SCN3A: variants seen among roughly 807,000 people sequenced by gnomAD.
SCN3A encodes sodium channel protein type 3 subunit alpha.
In SCN3A, 60 loss-of-function variants were observed where a neutral mutation model predicts 187.6. That is an observed-to-expected ratio of 0.32 (90% CI 0.26 to 0.40). The LOEUF (loss-of-function observed/expected upper bound fraction) is 0.40. SCN3A is among the 10% of genes least tolerant of loss of function. SCN3A has a pLI of 1.00. For missense variants in SCN3A, 1,601 were observed against 2,428.2 expected (o/e 0.66, Z 7.16); for synonymous variants, 788 against 829.2 (o/e 0.95, Z 0.85).
In SCN3A at chr2:165,090,327, T is replaced by C. The variant is rs1574086891; in HGVS notation, c.5826A>G (p.Gln1942=). ...IKGRIDLPIK[Q]DMIIDKLNGN... is the part of the protein sequence containing the mutation. ...CATTTAGTTTGTCAATAATCATGTC[T>C]TGTTTTATAGGTAAGTCAATCCTCC... The change falls in exon 28 of 28, where the codon CAA becomes CAG. Residue 1942 remains glutamine (Q), a synonymous_variant. Transcript: ENST00000283254. This position sits in a 1 kb window ranked among gnomAD's most constrained non-coding sequence, Gnocchi z 4.0. The C allele has an allele frequency of 6.2e-7, 1 of 1,613,442 alleles. No individual in the cohort carries two copies. The highest frequency in any genetic ancestry group is 8.5e-7 in the Non-Finnish European group (1 of 1,179,468).
intron 16 of SCN3A, 195 bp from the exon 17 acceptor site, chr2:165,130,491 A>C (rs888595094): frequency 2.3e-5 from 14 of 603,766 alleles, no homozygotes; most frequent in Non-Finnish European, 3.4e-5. Context: ...AATATCATTT[A>C]AGTGCAAAAA....
intron 1 of SCN3A, among the ~76,000 whole-genome samples, chr2:165,199,452 T>C (rs2105994704): frequency 6.6e-6 from 1 of 152,134 alleles, no homozygotes; most frequent in African/African-American, 2.4e-5. Context: ...ATTTTAATAT[T>C]GTAAACTTGC....
At chr2:165,105,510 G>A (rs149140250) in intron 21 of SCN3A, among the ~76,000 whole-genome samples, 1 of 152,296 alleles carries the variant, frequency 6.6e-6, no homozygotes, top group Non-Finnish European at 1.5e-5. Flanking sequence ...CCTAGAAAAG[G>A]GCTCAGGTAG....
At chr2:165,171,532 G>C (rs1005527317) in intron 3 of SCN3A, among the ~76,000 whole-genome samples, 5 of 151,980 alleles carry the variant, frequency 3.3e-5, no homozygotes, top group Non-Finnish European at 5.9e-5. Context: ...ATTTCTGAGG[G>C]ATGGGCACAG....
intron 1 of SCN3A, among the ~76,000 whole-genome samples, chr2:165,198,042 A>C (rs905633650): frequency 3.3e-5 from 5 of 152,004 alleles, no homozygotes; most frequent in African/African-American, 1.2e-4. Context: ...AAAGGACGGC[A>C]ATGTGTTTGC....
chr2:165,161,810 C>A (rs1248011156), intron 9 of SCN3A, among the ~76,000 whole-genome samples: 1 of 152,170 alleles, frequency 6.6e-6, no homozygotes, highest in Non-Finnish European at 1.5e-5. Flanking sequence ...CACACATGCA[C>A]CCTTGGCTTC....
intron 1 of SCN3A, among the ~76,000 whole-genome samples, chr2:165,188,855 G>A (rs1448072751): frequency 2.7e-5 from 4 of 150,314 alleles, no homozygotes; most frequent in Non-Finnish European, 4.4e-5. Flanking sequence ...TGTAAAAGAT[G>A]CAGATTTCTG....
At chr2:165,108,173 A>G (rs1378628385) in intron 21 of SCN3A, among the ~76,000 whole-genome samples, 3 of 152,188 alleles carry the variant, frequency 2.0e-5, no homozygotes, top group African/African-American at 7.2e-5. Context: ...AATTAGTGCC[A>G]TTCCCACAAT....
intron 3 of SCN3A, among the ~76,000 whole-genome samples, chr2:165,172,164 C>A (rs1690147661): frequency 6.6e-6 from 1 of 152,074 alleles, no homozygotes; most frequent in Admixed American, 6.6e-5. Flanking sequence ...ACTTAACTAA[C>A]CATTTTCCAG....
At position 165,091,023 on chromosome 2, in the gene SCN3A, G is replaced by A; in HGVS notation, c.5130C>T (p.Gly1710=). 6.2e-7 allele frequency: 1 copy of A among 1,614,146 alleles called. No individual in the cohort carries two copies. The highest frequency in any genetic ancestry group is 2.2e-5 in the East Asian group (1 of 44,882). Residue 1710 remains glycine, a synonymous_variant, in exon 28 of 28, where the codon GGC becomes GGT. Coordinates refer to ENST00000283254, the MANE Select transcript of SCN3A (RefSeq NM_006922.4). ...GAATAGGTGCTAGCAATCCATCCCA[G>A]CCAGCAGAGGTTGTAATTTGGAACA... ...ICLFQITTSA[G]WDGLLAPILN... is the part of the protein sequence containing the mutation.
chr2:165,129,814 G>T, intron 17 of SCN3A, 126 bp downstream of exon 17: 2 of 1,167,210 alleles, frequency 1.7e-6, no homozygotes, highest in South Asian at 1.2e-5. Context: ...TTCTCTGAGT[G>T]CTAATAGGGG....
At chr2:165,191,515 C>T (rs2105970091) in intron 1 of SCN3A, among the ~76,000 whole-genome samples, 1 of 152,242 alleles carries the variant, frequency 6.6e-6, no homozygotes, top group African/African-American at 2.4e-5. Flanking sequence ...TGGCTTCCAG[C>T]TGTCCTCTGT....
rs1574191175 is a variant in SCN3A at position 165,138,069 on chromosome 2, G to C, written c.2201C>G (p.Ala734Gly). The C allele has an allele frequency of 6.2e-7, 1 of 1,613,548 alleles. No homozygotes were observed. Among genetic ancestry groups the C allele is most frequent in the East Asian group, 2.2e-5 (1 of 44,850 alleles). Residue 734 changes from alanine (A) to glycine (G), a missense_variant, in exon 15 of 28, where the codon GCC becomes GGC. Coordinates refer to ENST00000283254, the MANE Select transcript of SCN3A (RefSeq NM_006922.4). ...GCAGTCCCAGATCAAGAACACATTG[G>C]CAAATCTATACCAGCATGGCGGACA... ...QKCPPCWYRF[A>G]NVFLIWDCCD...
intron 15 of SCN3A, among the ~76,000 whole-genome samples, chr2:165,133,331 A>G (rs546078570): frequency 6.6e-6 from 1 of 152,112 alleles, no homozygotes; most frequent in East Asian, 1.9e-4. Flanking sequence ...ACACATGCAC[A>G]CGTATGTTTA....
At chr2:165,091,773 G>T in intron 27 of SCN3A, 1 of 263,042 alleles carries the variant, frequency 3.8e-6, no homozygotes, top group Non-Finnish European at 7.3e-6. Context: ...TAAATTTGGG[G>T]TTCTATAATT....
At chr2:165,168,937 G>A in intron 4 of SCN3A, 112 bp from the exon 5 acceptor site, 1 of 716,192 alleles carries the variant, frequency 1.4e-6, no homozygotes, top group African/African-American at 1.8e-5. Flanking sequence ...AATATTATTT[G>A]TTTTAAAACA....
chr2:165,200,967 G>A (rs1692281403), intron 1 of SCN3A, among the ~76,000 whole-genome samples: 1 of 152,042 alleles, frequency 6.6e-6, no homozygotes. Flanking sequence ...TGATCACATA[G>A]CAAAGACTTT....
chr2:165,139,982 TC>T (rs1055706152), intron 13 of SCN3A, among the ~76,000 whole-genome samples: 2 of 152,008 alleles, frequency 1.3e-5, no homozygotes, highest in African/African-American at 4.8e-5. Flanking sequence ...CAGATCAATC[TC>T]CCCCCAATAA....
rs574231744 is a variant in SCN3A at position 165,198,102 on chromosome 2, A to T, written c.-248+5721T>A. 9.9e-5 allele frequency among the ~76,000 whole-genome samples: 15 copies of T among 152,106 alleles called. No homozygotes were observed. In the South Asian group the frequency reaches 2.9e-3, roughly 29 times the overall value. Reference sequence around the variant, plus strand: ...AATTTCAATAGTATTTAAAGAACAGAGTGGAAGTGGGAATATTACATATTG... The same window carrying T: ...AATTTCAATAGTATTTAAAGAACAGTGTGGAAGTGGGAATATTACATATTG... On this transcript the variant is annotated intron_variant, in intron 1 of 27. Coordinates refer to ENST00000283254, the MANE Select transcript of SCN3A (RefSeq NM_006922.4).
Sources: gnomAD v4.1 joint callset for allele counts (sites outside exome capture counted in the v4.1 genomes callset) on GRCh38, gnomAD v4.1.1 for gene constraint, Gnocchi (gnomAD v3.1) non-coding constraint, MANE v1.5 for transcripts, NCBI Gene and HGNC (gene_info 2026-07-23, HGNC 2026-07-21) for gene names.